The following ERICH6 variants were observed in gnomAD, a reference collection of about 807,000 sequenced individuals.
ERICH6 encodes glutamate-rich protein 6.
In ERICH6, 71 loss-of-function variants were observed where a neutral mutation model predicts 71.0. The observed-to-expected ratio is 1.00, with a 90% CI of 0.83 to 1.22. The LOEUF is 1.22. ERICH6 is among the 50% of genes most tolerant of loss of function. The pLI is 0.00. For synonymous variants in ERICH6, 262 were observed against 278.4 expected (o/e 0.94, Z 0.59); for missense variants, 808 against 797.2 (o/e 1.01, Z -0.16).
chr3:150,676,350 T>A (rs928214733), intron 10 of ERICH6, among the ~76,000 whole-genome samples: 1 of 152,148 alleles, frequency 6.6e-6, no homozygotes, highest in African/African-American at 2.4e-5. Flanking sequence ...AGTTTTCTGT[T>A]CCCTTCATAT....
intron 6 of ERICH6, among the ~76,000 whole-genome samples, chr3:150,684,362 T>C (rs941086181): frequency 1.3e-5 from 2 of 152,210 alleles, no homozygotes; most frequent in African/African-American, 4.8e-5. Context: ...TTCCCCTCAC[T>C]AGATTGCATA....
Position 150,678,451 on chromosome 3 carries a change from G to T in ERICH6, c.1215C>A (p.Asn405Lys), listed in dbSNP as rs376065474. The T allele has an allele frequency of 6.2e-7, 1 of 1,601,686 alleles. No individual in the cohort carries two copies. Among genetic ancestry groups the T allele is most frequent in the Non-Finnish European group, 8.5e-7 (1 of 1,176,544 alleles). ...GAGAATCACAACAAATGATAGACAT[G>T]TTACTGTTTCTTAGTTGAAAATCAA... ...IVFDFQLRNS[N>K]MSIICCDSRI... is the part of the protein sequence containing the mutation. Residue 405 changes from asparagine (N) to lysine (K), a missense_variant, in exon 10 of 14, where the codon AAC (asparagine) becomes AAA (lysine). Physicochemically the swap from Asn to Lys is moderately conservative, Grantham distance 94. This residue lies in a region of ERICH6 where 736 missense variants were observed against 712.2 expected (regional missense o/e 1.03). Coordinates refer to ENST00000295910, the MANE Select transcript of ERICH6 (RefSeq NM_152394.5).
At chr3:150,682,680 G>A (rs1044222643) in intron 6 of ERICH6, among the ~76,000 whole-genome samples, 7 of 152,124 alleles carry the variant, frequency 4.6e-5, no homozygotes, top group Non-Finnish European at 7.4e-5. Flanking sequence ...AAGAGATAAG[G>A]ATAACACACA....
intron 13 of ERICH6, among the ~76,000 whole-genome samples, chr3:150,665,515 C>CAAAAAAAAA (rs59227415): frequency 6.3e-5 from 4 of 63,444 alleles, no homozygotes; most frequent in African/African-American, 2.9e-4. Context: ...GACTCCATCT[C>CAAAAAAAAA]AAAAAAAAAA....
intron 3 of ERICH6, among the ~76,000 whole-genome samples, chr3:150,696,442 A>C (rs1712661191): frequency 6.6e-6 from 1 of 152,200 alleles, no homozygotes; most frequent in South Asian, 2.1e-4. Context: ...ATTTACTTAC[A>C]TCAAATTTAA....
chr3:150,665,158 G>A (rs1559908863), intron 13 of ERICH6, among the ~76,000 whole-genome samples: 1 of 152,264 alleles, frequency 6.6e-6, no homozygotes, highest in Admixed American at 6.5e-5. Context: ...AAATTTGACT[G>A]CAGTTTCCAG....
intron 3 of ERICH6, among the ~76,000 whole-genome samples, chr3:150,687,398 T>C (rs1483123921): frequency 6.6e-6 from 1 of 152,244 alleles, no homozygotes; most frequent in African/African-American, 2.4e-5. Context: ...AAACTGTAGA[T>C]AAGAGGGGAC....
chr3:150,666,922 G>C lies in ERICH6; in HGVS notation c.1593C>G (p.Pro531=), dbSNP rs1727440009. The C allele has an allele frequency of 6.2e-7, 1 of 1,614,150 alleles. No individual in the cohort carries two copies. The highest frequency in any genetic ancestry group is 2.2e-5 in the East Asian group (1 of 44,870). ...GAAAGACAGGTTTAAATGAAACAAA[G>C]GGTGAGGAAGTGATGGAATTTGACC... ...WNWSNSITSS[P]FVSFKPVFLA... is the part of the protein sequence containing the mutation. Residue 531 remains proline (P), a synonymous_variant, in exon 13 of 14, where the codon CCC becomes CCG. Transcript: ENST00000295910.
chr3:150,686,395 A>G, intron 3 of ERICH6, 41 bp from the exon 4 acceptor site: 2 of 1,564,170 alleles, frequency 1.3e-6, no homozygotes, highest in Non-Finnish European at 1.8e-6. Context: ...CTGACAAAGT[A>G]GAAAAGAAGC....
At chr3:150,674,184 G>T in intron 10 of ERICH6, 143 bp from the exon 11 acceptor site, 1 of 618,456 alleles carries the variant, frequency 1.6e-6, no homozygotes, top group South Asian at 2.1e-5. Context: ...AACAACAGGA[G>T]ACAACCCTTA....
chr3:150,698,768 A>G (rs1299387198), intron 3 of ERICH6, 23 bp downstream of exon 3: 1 of 1,591,912 alleles, frequency 6.3e-7, no homozygotes, highest in Non-Finnish European at 8.6e-7. Flanking sequence ...TCCCAGGAAA[A>G]GCTAAGAAAT....
At chr3:150,683,477 G>A (rs1712051363) in intron 6 of ERICH6, among the ~76,000 whole-genome samples, 1 of 152,174 alleles carries the variant, frequency 6.6e-6, no homozygotes, top group Non-Finnish European at 1.5e-5. Flanking sequence ...AAAAGACCAT[G>A]AGGGAGGCCG....
rs774135226 is a variant in ERICH6 at position 150,660,162 on chromosome 3, A to G, written c.1729-7T>C. On this transcript the variant is annotated splice_polypyrimidine_tract_variant and splice_region_variant and intron_variant, in intron 13 of 13. Transcript: ENST00000295910. The stretch of plus-strand genomic sequence containing the variant: ...TCTCCTCAGGGTTTGGTAGCTTTTC[A>G]GCAAAGAGAAAGAGAAGGAAACTCA... 3.1e-6 allele frequency: 5 copies of G among 1,608,002 alleles called. No individual in the cohort carries two copies. The Admixed American group carries it at 8.4e-5, about 27-fold the overall frequency.
intron 2 of ERICH6, among the ~76,000 whole-genome samples, chr3:150,700,653 G>A (rs867805681): frequency 6.6e-6 from 1 of 151,202 alleles, no homozygotes; most frequent in Admixed American, 6.6e-5. Flanking sequence ...GTATGATCTC[G>A]GCTCACTGCA....
Position 150,660,832 on chromosome 3 carries a change from A to C in ERICH6, c.1729-677T>G, listed in dbSNP as rs538776487. On this transcript the variant is annotated intron_variant, in intron 13 of 13. Coordinates refer to ENST00000295910, the MANE Select transcript of ERICH6 (RefSeq NM_152394.5). ...TCTCTGGGGCAGGTTAAATGCAAGC[A>C]GAACTACTACCCTCTGCAAGCTAAG... Among the ~76,000 whole-genome samples the C allele has an allele frequency of 3.5e-4, 53 of 152,380 alleles. 1 individual carries two copies. The highest frequency in any genetic ancestry group is 2.7e-3 in the Admixed American group (41 of 15,308).
At position 150,703,661 on chromosome 3, in the gene ERICH6, T is replaced by G; in HGVS notation, c.238A>C (p.Lys80Gln). The G allele has an allele frequency of 6.2e-7, 1 of 1,613,750 alleles. No individual in the cohort carries two copies. The highest frequency in any genetic ancestry group is 8.5e-7 in the Non-Finnish European group (1 of 1,179,864). Residue 80 changes from lysine (K) to glutamine (Q), a missense_variant, in exon 1 of 14, where the codon AAG becomes CAG. This residue lies in a region of ERICH6 where 736 missense variants were observed against 712.2 expected (regional missense o/e 1.03). Transcript: ENST00000295910. ...TCGTAGTCACCGATGTCCGTGACCT[T>G]CCAGAGGTACTCTTCGCTGAACGTC... is the stretch of plus-strand genomic sequence containing the variant. ...PETFSEEYLWKVTDIGDYDDD... is the reference protein window; with the variant it reads ...PETFSEEYLWQVTDIGDYDDD...
chr3:150,667,534 C>T (rs989790112), intron 12 of ERICH6, among the ~76,000 whole-genome samples: 2 of 152,162 alleles, frequency 1.3e-5, no homozygotes, highest in South Asian at 2.1e-4. Flanking sequence ...TCAGGGAACA[C>T]CTCTGTGATC....
At chr3:150,668,758 TCA>T (rs1471727136) in intron 12 of ERICH6, among the ~76,000 whole-genome samples, 2 of 152,340 alleles carry the variant, frequency 1.3e-5, no homozygotes, top group East Asian at 1.9e-4. Flanking sequence ...CTAAATGAAG[TCA>T]CAGAGTATAT....
At chr3:150,679,599 A>G (rs982156152) in intron 9 of ERICH6, among the ~76,000 whole-genome samples, 6 of 152,192 alleles carry the variant, frequency 3.9e-5, no homozygotes, top group Non-Finnish European at 8.8e-5. Context: ...CTTCAACTGT[A>G]CCAGTACTAC....
Sources: gnomAD v4.1 joint callset for allele counts (sites outside exome capture counted in the v4.1 genomes callset) on GRCh38, gnomAD v4.1.1 for gene constraint, gnomAD v4.1.1 regional missense constraint, MANE v1.5 for transcripts, NCBI Gene and HGNC (gene_info 2026-07-23, HGNC 2026-07-21) for gene names.